TLR3: variants seen among roughly 807,000 people sequenced by gnomAD.
TLR3 encodes the protein toll like receptor 3.
In TLR3, 43 loss-of-function variants were observed where a neutral mutation model predicts 66.4. The ratio of observed to expected loss-of-function variants is 0.65; its 90% confidence interval spans 0.51 to 0.83. TLR3 has a LOEUF of 0.83. Ranked by LOEUF, TLR3 falls within the 40% of genes least tolerant of loss-of-function variation. The pLI, the probability that TLR3 is intolerant of heterozygous loss-of-function variation, is 0.00. For missense variants in TLR3, 982 were observed against 1,044.6 expected (o/e 0.94, Z 0.83); for synonymous variants, 397 against 397.2 (o/e 1.00, Z 0.01).
At chr4:186,069,556 A>T (rs2099301075) in intron 1 of TLR3, among the ~76,000 whole-genome samples, 1 of 152,238 alleles carries the variant, frequency 6.6e-6, no homozygotes, top group African/African-American at 2.4e-5. Flanking sequence ...TAGGGAAGCT[A>T]TGGAAATCAT....
At position 186,084,996 on chromosome 4, in the gene TLR3, C is replaced by G. The variant is rs566577183; in HGVS notation, c.*123C>G. 77 of 785,976 alleles carry G rather than the reference C, an allele frequency of 9.8e-5. 1 individual carries two copies. In the East Asian group the frequency reaches 1.5e-3, roughly 15 times the overall value. 48.7% of individuals were successfully genotyped at this position (785,976 alleles called of 1,614,324 possible). A position where few individuals can be genotyped will look rare whatever the true frequency, so the allele number is the denominator to read the frequency against. ...ATTCATATTTGTAAATGATTATATT[C>G]TATCACAATTACATCTCTTCTAGGA... On this transcript the variant is annotated 3_prime_UTR_variant, in exon 5 of 5. Coordinates refer to ENST00000296795, the MANE Select transcript of TLR3 (RefSeq NM_003265.3).
In TLR3 at chr4:186,082,977, G is replaced by A. The variant is rs2099303796; in HGVS notation, c.1291G>A (p.Gly431Ser). 2 of 1,613,950 alleles carry A rather than the reference G, an allele frequency of 1.2e-6. No homozygotes were observed. The highest frequency in any genetic ancestry group is 1.7e-6 in the Non-Finnish European group (2 of 1,180,038). ...AGAGAGTGATGCTTTCTCTTGGTTG[G>A]GCCACCTAGAAGTACTTGACCTGGG... ...KIESDAFSWL[G>S]HLEVLDLGLN... Residue 431 changes from glycine (G) to serine (S), a missense_variant, in exon 4 of 5, where the codon GGC (glycine) becomes AGC (serine). By Grantham distance (56) the Gly-to-Ser change is moderately conservative (BLOSUM62 0). Coordinates refer to ENST00000296795, the MANE Select transcript of TLR3 (RefSeq NM_003265.3).
In TLR3 at chr4:186,083,441, A is replaced by G. The variant is rs372569709; in HGVS notation, c.1755A>G (p.Leu585=). ...TCCCAGTTGAGGTCTTCAAGGATTT[A>G]TTTGAACTAAAGATCATCGATTTAG... ...DEIPVEVFKD[L]FELKIIDLGL... is the part of the protein sequence containing the mutation. The change falls in exon 4 of 5, where the codon TTA becomes TTG. Residue 585 remains leucine, a synonymous_variant. Transcript: ENST00000296795. The surrounding 1 kb of genome is among the most constrained non-coding windows in gnomAD (Gnocchi z 4.0). 2.5e-6 allele frequency: 4 copies of G among 1,612,586 alleles called. No homozygotes were observed. Among genetic ancestry groups the G allele is most frequent in the Non-Finnish European group, 3.4e-6 (4 of 1,179,214 alleles).
intron 3 of TLR3, 132 bp from the exon 4 acceptor site, chr4:186,082,188 G>C: frequency 3.8e-6 from 3 of 790,656 alleles, no homozygotes; most frequent in Non-Finnish European, 5.7e-6. Flanking sequence ...TTGCACTGCT[G>C]TACTCCAGCC....
At chr4:186,078,290 C>T (rs1220302247) in intron 2 of TLR3, among the ~76,000 whole-genome samples, 1 of 152,066 alleles carries the variant, frequency 6.6e-6, no homozygotes, top group Non-Finnish European at 1.5e-5. Context: ...ACTGATAAAG[C>T]AAACAAAACT....
In TLR3 at chr4:186,082,597, T is replaced by G. The variant is rs2099303719; in HGVS notation, c.911T>G (p.Phe304Cys). ...TGGCTTCCACAACTAGAATATTTCT[T>G]CCTAGAGTATAATAATATACAGCAT... Reference protein sequence around the residue: ...FAWLPQLEYFFLEYNNIQHLF... With the variant: ...FAWLPQLEYFCLEYNNIQHLF... Residue 304 changes from phenylalanine to cysteine, a missense_variant, in exon 4 of 5, where the codon TTC (phenylalanine) becomes TGC (cysteine). Coordinates refer to ENST00000296795, the MANE Select transcript of TLR3 (RefSeq NM_003265.3). 2 of 1,614,046 alleles carry G rather than the reference T, an allele frequency of 1.2e-6. No homozygotes were observed. The highest frequency in any genetic ancestry group is 2.7e-5 in the African/African-American group (2 of 74,920).
In TLR3 at chr4:186,077,059, AG is replaced by A. The variant is rs1268328511; in HGVS notation, c.441+1del. The A allele has an allele frequency of 6.2e-7, 1 of 1,613,132 alleles. No individual in the cohort carries two copies. The highest frequency in any genetic ancestry group is 2.2e-5 in the East Asian group (1 of 44,870). On this transcript the variant is annotated frameshift_variant and splice_region_variant, in exon 2 of 5. Transcript: ENST00000296795. LOFTEE classifies it high-confidence loss of function. ...KIKNNPFVKQKNLITLDLSHN... is the reference protein window; with the variant it reads ...KIKNNPFVKQXNLITLDLSHN... Reference sequence around the variant, plus strand: ...AAAAATAATCCCTTTGTCAAGCAGAAGGTAAGTTGAAAATGTCTATTGTTAC... The same window carrying A: ...AAAAATAATCCCTTTGTCAAGCAGAAGTAAGTTGAAAATGTCTATTGTTAC...
chr4:186,077,117 A>C, intron 2 of TLR3, 57 bp downstream of exon 2: 1 of 1,514,876 alleles, frequency 6.6e-7, no homozygotes, highest in Non-Finnish European at 9.0e-7. Context: ...CCATCCTTAG[A>C]CTTACTATCT....
chr4:186,084,670 C>T lies in TLR3; in HGVS notation c.2512C>T (p.Gln838Ter). The stretch of plus-strand genomic sequence containing the variant: ...ATTCAAGGTACATCATGCAGTTCAA[C>T]AAGCTATTGAACAAAATCTGGATTC... The part of the protein sequence containing the change: ...KRFKVHHAVQ[Q>*]AIEQNLDSII... The change falls in exon 5 of 5, where the codon CAA becomes TAA. Residue 838 changes from glutamine to a stop codon, truncating the protein, a stop_gained. Transcript: ENST00000296795. LOFTEE classifies it high-confidence loss of function. The T allele has an allele frequency of 6.2e-7, 1 of 1,612,528 alleles. No individual in the cohort carries two copies. The highest frequency in any genetic ancestry group is 8.5e-7 in the Non-Finnish European group (1 of 1,178,660).
rs1211672286 is a variant in TLR3 at position 186,082,305 on chromosome 4, T to C, written c.634-15T>C. ...TTCTTTTGATTGTTAACCTCTTTTT[T>C]TTTCCTACCTTTAGTTTTCTCCAGG... On this transcript the variant is annotated splice_polypyrimidine_tract_variant and intron_variant, in intron 3 of 4. Coordinates refer to ENST00000296795, the MANE Select transcript of TLR3 (RefSeq NM_003265.3). 1 of 1,610,592 alleles carries C rather than the reference T, an allele frequency of 6.2e-7. No homozygotes were observed. Among genetic ancestry groups the C allele is most frequent in the South Asian group, 1.1e-5 (1 of 91,018 alleles).
intron 1 of TLR3, among the ~76,000 whole-genome samples, chr4:186,073,578 T>A (rs1484608051): frequency 6.6e-6 from 1 of 151,778 alleles, no homozygotes; most frequent in Admixed American, 6.6e-5. Flanking sequence ...AAACCATGAC[T>A]CCTACTTCAT....
intron 1 of TLR3, 137 bp from the exon 2 acceptor site, chr4:186,076,476 G>A: frequency 1.2e-6 from 1 of 849,430 alleles, no homozygotes; most frequent in Non-Finnish European, 1.9e-6. Flanking sequence ...ATATGTACTT[G>A]TATGGCATAA....
chr4:186,080,874 G>A (rs949435534), intron 3 of TLR3, among the ~76,000 whole-genome samples: 2 of 152,252 alleles, frequency 1.3e-5, no homozygotes, highest in South Asian at 4.1e-4. Flanking sequence ...TTACAGGCGT[G>A]AGCCACCGCG....
rs376735334 is a variant in TLR3 at position 186,083,411 on chromosome 4, C to T, written c.1725C>T (p.Asp575=). ...TTAACTTGGAGTCCAACGGCTTTGACGAGATCCCAGTTGAGGTCTTCAAGG... is the reference window on the plus strand; with the variant it reads ...TTAACTTGGAGTCCAACGGCTTTGATGAGATCCCAGTTGAGGTCTTCAAGG... The part of the protein sequence containing the change: ...HILNLESNGF[D]EIPVEVFKDL... Residue 575 remains aspartate (D), a synonymous_variant, in exon 4 of 5, where the codon GAC becomes GAT. Coordinates refer to ENST00000296795, the MANE Select transcript of TLR3 (RefSeq NM_003265.3). This position sits in a 1 kb window ranked among gnomAD's most constrained non-coding sequence, Gnocchi z 4.0. 5.6e-6 allele frequency: 9 copies of T among 1,613,960 alleles called. No individual in the cohort carries two copies. Among genetic ancestry groups the T allele is most frequent in the African/African-American group, 1.3e-5 (1 of 74,910 alleles).
At position 186,076,806 on chromosome 4, in the gene TLR3, C is replaced by T; in HGVS notation, c.187C>T (p.Leu63Phe). ...AGTGTTGAACCTTACCCATAATCAA[C>T]TCAGAAGATTACCAGCCGCCAACTT... ...ITVLNLTHNQLRRLPAANFTR... is the reference protein window; with the variant it reads ...ITVLNLTHNQFRRLPAANFTR... Residue 63 changes from leucine (L) to phenylalanine (F), a missense_variant, in exon 2 of 5, where the codon CTC becomes TTC. This residue lies in a region of TLR3 where 313 missense variants were observed against 319.0 expected (regional missense o/e 0.98). Coordinates refer to ENST00000296795, the MANE Select transcript of TLR3 (RefSeq NM_003265.3). The T allele has an allele frequency of 6.2e-7, 1 of 1,614,152 alleles. No homozygotes were observed. The highest frequency in any genetic ancestry group is 8.5e-7 in the Non-Finnish European group (1 of 1,180,028).
At position 186,084,023 on chromosome 4, in the gene TLR3, G is replaced by T; in HGVS notation, c.2337G>T (p.Lys779Asn). The T allele has an allele frequency of 6.2e-7, 1 of 1,614,116 alleles. No individual in the cohort carries two copies. The highest frequency in any genetic ancestry group is 8.5e-7 in the Non-Finnish European group (1 of 1,180,028). Residue 779 changes from lysine to asparagine, a missense_variant, in exon 4 of 5, where the codon AAG becomes AAT. Physicochemically the swap from Lys to Asn is moderately conservative, Grantham distance 94. Around this residue, in one of 3 missense-constraint regions of TLR3, gnomAD observed 666 missense variants for 709.0 expected, o/e 0.94. Coordinates refer to ENST00000296795, the MANE Select transcript of TLR3 (RefSeq NM_003265.3). ...WVWEHFSSMEKEDQSLKFCLE... is the reference protein window; with the variant it reads ...WVWEHFSSMENEDQSLKFCLE... ...GGGAACATTTCTCTTCAATGGAAAA[G>T]GAAGACCAATCTCTCAAATTTTGTC...
At chr4:186,076,109 G>A (rs909464488) in intron 1 of TLR3, among the ~76,000 whole-genome samples, 5 of 152,110 alleles carry the variant, frequency 3.3e-5, no homozygotes, top group South Asian at 2.1e-4. Context: ...AGCCGAGATT[G>A]CACCATTGCA....
rs763457697 is a variant in TLR3, at chr4:186,083,184, T to C, written c.1498T>C (p.Ser500Pro). 1.2e-6 allele frequency: 2 copies of C among 1,614,094 alleles called. No individual in the cohort carries two copies. Among genetic ancestry groups the C allele is most frequent in the Non-Finnish European group, 8.5e-7 (1 of 1,180,054 alleles). Reference protein sequence around the residue: ...VALKNVDSSPSPFQPLRNLTI... With the variant: ...VALKNVDSSPPPFQPLRNLTI... Reference sequence around the variant, plus strand: ...CCTTAAAAATGTGGATAGCTCTCCTTCACCATTCCAGCCTCTTCGTAACTT... The same window carrying C: ...CCTTAAAAATGTGGATAGCTCTCCTCCACCATTCCAGCCTCTTCGTAACTT... Residue 500 changes from serine to proline, a missense_variant, in exon 4 of 5, where the codon TCA becomes CCA. Ser to Pro is a moderately conservative substitution (Grantham distance 74). This residue lies in a region of TLR3 where 666 missense variants were observed against 709.0 expected (regional missense o/e 0.94). Transcript: ENST00000296795. The surrounding 1 kb of genome is among the most constrained non-coding windows in gnomAD (Gnocchi z 4.0).
chr4:186,074,145 T>C (rs2099302004), intron 1 of TLR3, among the ~76,000 whole-genome samples: 1 of 152,216 alleles, frequency 6.6e-6, no homozygotes, highest in Non-Finnish European at 1.5e-5. Context: ...CCTCACCAAA[T>C]GGCCCAGGCA....
Sources: gnomAD v4.1 joint callset for allele counts (sites outside exome capture counted in the v4.1 genomes callset) on GRCh38, gnomAD v4.1.1 for gene constraint, gnomAD v4.1.1 regional missense constraint, Gnocchi (gnomAD v3.1) non-coding constraint, MANE v1.5 for transcripts, NCBI Gene and HGNC (gene_info 2026-07-23, HGNC 2026-07-21) for gene names.